Variants in NUP160 observed in about 807,000 individuals in gnomAD.
NUP160 encodes the protein nuclear pore complex protein Nup160.
A neutral mutation model predicts 196.9 loss-of-function variants in NUP160; 94 were observed. The observed-to-expected ratio is 0.48, with a 90% CI of 0.40 to 0.57. The LOEUF (loss-of-function observed/expected upper bound fraction) is 0.57, where lower values mean the gene tolerates loss of function less well. Among genes scored for constraint, NUP160 ranks in the 20% least tolerant of loss-of-function variants. The pLI is 0.00. For synonymous variants in NUP160, 605 were observed against 619.7 expected (o/e 0.98, Z 0.35); for missense variants, 1,638 against 1,748.3 (o/e 0.94, Z 1.13).
At chr11:47,792,030 T>A in intron 28 of NUP160, 40 bp from the exon 29 acceptor site, 4 of 1,339,088 alleles carry the variant, frequency 3.0e-6, no homozygotes, top group Non-Finnish European at 3.2e-6. Context: ...TGAAAATCAG[T>A]ATTTTATTCT....
intron 27 of NUP160, among the ~76,000 whole-genome samples, chr11:47,794,848 G>A (rs1329632511): frequency 6.6e-6 from 1 of 152,058 alleles, no homozygotes; most frequent in Non-Finnish European, 1.5e-5. Flanking sequence ...GGAAGGCGGA[G>A]GTTGCAGTGA....
intron 2 of NUP160, among the ~76,000 whole-genome samples, chr11:47,843,191 T>G (rs545487901): frequency 6.6e-6 from 1 of 152,294 alleles, no homozygotes; most frequent in African/African-American, 2.4e-5. Flanking sequence ...GCTTCCCTTA[T>G]AGCAATACAC....
chr11:47,812,551 T>C (rs2097681777), intron 15 of NUP160, 122 bp from the exon 16 acceptor site: 3 of 1,004,464 alleles, frequency 3.0e-6, no homozygotes, highest in Non-Finnish European at 4.3e-6. Context: ...AGATAATCAC[T>C]CTGGCATATA....
At chr11:47,811,846 A>T (rs1563820) in intron 17 of NUP160, among the ~76,000 whole-genome samples, 88,062 of 151,884 alleles carry the variant, frequency 0.58, 25,801 homozygotes, top group Admixed American at 0.65. Context: ...TCCCCTCCAT[A>T]TATGCTCTTA....
At chr11:47,781,685 T>C (rs902980835) in intron 34 of NUP160, among the ~76,000 whole-genome samples, 7 of 152,202 alleles carry the variant, frequency 4.6e-5, no homozygotes, top group African/African-American at 7.2e-5. Flanking sequence ...GGTTAAAAAA[T>C]AGAAAATTAA....
intron 20 of NUP160, among the ~76,000 whole-genome samples, chr11:47,804,960 A>G (rs1455112514): frequency 2.0e-5 from 3 of 152,104 alleles, no homozygotes; most frequent in Non-Finnish European, 4.4e-5. Context: ...AACACATAAG[A>G]GTCCTGTCTC....
intron 7 of NUP160, among the ~76,000 whole-genome samples, chr11:47,822,406 C>T (rs1364908322): frequency 2.0e-5 from 3 of 151,776 alleles, no homozygotes; most frequent in South Asian, 2.1e-4. Flanking sequence ...TACAGGTGCC[C>T]GCCACCATGC....
At position 47,843,606 on chromosome 11, in the gene NUP160, T is replaced by A. The variant is rs1005460240; in HGVS notation, c.315-3018A>T. Among the ~76,000 whole-genome samples, 5 of 152,326 alleles carry A rather than the reference T, an allele frequency of 3.3e-5. No individual in the cohort carries two copies. The East Asian group carries it at 9.6e-4, about 29-fold the overall frequency. ...GGATATTAAGCAATATCTAGAGATATTGTTGGTTATTGTAACTAGGGTAGA... is the reference window on the plus strand; with the variant it reads ...GGATATTAAGCAATATCTAGAGATAATGTTGGTTATTGTAACTAGGGTAGA... On this transcript the variant is annotated intron_variant, in intron 2 of 35. Coordinates refer to ENST00000378460, the Ensembl canonical transcript of NUP160.
chr11:47,791,900 C>G (rs2135349963), intron 29 of NUP160, 30 bp downstream of exon 29: 1 of 1,485,612 alleles, frequency 6.7e-7, no homozygotes, highest in East Asian at 2.3e-5. Context: ...TACTGTCTAG[C>G]AAAGAACCAG....
chr11:47,782,712 G>A (rs775435542), intron 34 of NUP160, among the ~76,000 whole-genome samples: 13 of 152,078 alleles, frequency 8.5e-5, no homozygotes. Context: ...AGGCTGGAGT[G>A]CAGTGGCATG....
intron 17 of NUP160, among the ~76,000 whole-genome samples, chr11:47,810,714 C>T (rs2097680621): frequency 2.0e-5 from 3 of 151,800 alleles, no homozygotes; most frequent in Admixed American, 2.0e-4. Flanking sequence ...ACCCCGCTAA[C>T]TTTTTTGTTT....
exon 1 of NUP160, chr11:47,848,297 C>G (rs764128955): frequency 6.2e-7 from 1 of 1,614,010 alleles, no homozygotes; most frequent in South Asian, 1.1e-5. Flanking sequence ...AAGCTCCGTT[C>G]CAGGGCTCCC....
At chr11:47,848,031 G>A (rs901515064) in intron 1 of NUP160, 72 bp from the exon 2 acceptor site, 5 of 1,350,912 alleles carry the variant, frequency 3.7e-6, no homozygotes, top group Admixed American at 3.4e-5. Context: ...AGCTGACAAA[G>A]CAGAGAGTGA....
chr11:47,825,261 T>C (rs1371832620), intron 7 of NUP160, among the ~76,000 whole-genome samples: 1 of 151,838 alleles, frequency 6.6e-6, no homozygotes, highest in Non-Finnish European at 1.5e-5. Context: ...TGAGTTACAG[T>C]GCCTGGCTTG....
exon 8 of NUP160, chr11:47,822,137 C>T: frequency 1.9e-6 from 3 of 1,609,830 alleles, no homozygotes; most frequent in Non-Finnish European, 2.5e-6. Context: ...CGATTACTCT[C>T]AGTGCTCACC....
chr11:47,809,497 C>G (rs1221674484), intron 17 of NUP160, among the ~76,000 whole-genome samples: 1 of 151,532 alleles, frequency 6.6e-6, no homozygotes, highest in African/African-American at 2.4e-5. Flanking sequence ...ACCTGTAATC[C>G]CAGCACTTTG....
At chr11:47,823,517 A>G (rs1015133462) in intron 7 of NUP160, among the ~76,000 whole-genome samples, 7 of 151,996 alleles carry the variant, frequency 4.6e-5, no homozygotes, top group African/African-American at 1.7e-4. Flanking sequence ...ATGTAGTAGC[A>G]TGTGTCAGCA....
chr11:47,828,567 T>A (rs1354872753), intron 7 of NUP160, among the ~76,000 whole-genome samples: 1 of 149,680 alleles, frequency 6.7e-6, no homozygotes, highest in Admixed American at 6.7e-5. Flanking sequence ...CTAACTTCTT[T>A]GTAGAAACTG....
intron 22 of NUP160, among the ~76,000 whole-genome samples, chr11:47,802,404 C>T (rs1044254020): frequency 1.3e-5 from 2 of 151,876 alleles, no homozygotes; most frequent in Non-Finnish European, 2.9e-5. Context: ...GCAGTCTAGC[C>T]TTCCAGCCTG....
Sources: allele counts gnomAD v4.1 joint callset (sites outside exome capture counted in the v4.1 genomes callset), GRCh38; gene constraint gnomAD v4.1.1; transcripts MANE v1.5; gene names NCBI Gene and HGNC (gene_info 2026-07-23, HGNC 2026-07-21).